The following NTNG2 variants were observed in gnomAD, a reference collection of about 807,000 sequenced individuals.
The protein encoded by NTNG2 is netrin-G2.
In NTNG2, 15 loss-of-function variants were observed where a neutral mutation model predicts 47.6. The ratio of observed to expected loss-of-function variants is 0.32; its 90% CI spans 0.21 to 0.49. NTNG2 has a LOEUF of 0.49. NTNG2 is among the 20% of genes least tolerant of loss of function. The pLI is 0.99. For synonymous variants in NTNG2, 307 were observed against 324.6 expected (o/e 0.95, Z 0.58); for missense variants, 578 against 764.6 (o/e 0.76, Z 2.88).
intron 3 of NTNG2, among the ~76,000 whole-genome samples, chr9:132,200,751 G>C (rs1314541431): frequency 6.6e-6 from 1 of 152,206 alleles, no homozygotes; most frequent in East Asian, 1.9e-4. Context: ...TGCAGACAGG[G>C]GCCCGTGGTT....
rs1232374979 is a variant in NTNG2, at chr9:132,163,409, C to CG, written c.-484+1176dup. On this transcript the variant is annotated intron_variant, in intron 1 of 7. Transcript: ENST00000393229. This position sits in a 1 kb window ranked among gnomAD's most constrained non-coding sequence, Gnocchi z 7.2. ...GCCGGATAAAGGGCCCGCTCCGGAG[C>CG]GGGGGGACACCCGGGCCGCCGGAAT... Among the ~76,000 whole-genome samples the CG allele has an allele frequency of 1.3e-5, 2 of 151,386 alleles. No homozygotes were observed. The highest frequency in any genetic ancestry group is 4.9e-5 in the African/African-American group (2 of 41,212).
rs931362086 is a variant in NTNG2, at chr9:132,208,933, G to A, written c.857+10324G>A. Among the ~76,000 whole-genome samples, 3 of 152,022 alleles carry A rather than the reference G, an allele frequency of 2.0e-5. No individual in the cohort carries two copies. Among genetic ancestry groups the A allele is most frequent in the Non-Finnish European group, 4.4e-5 (3 of 68,018 alleles). ...CTGAAAATCTGCTGTAAGTGGAGTC[G>A]TGCGGCAGGTGGCTTTTTCAAGGGG... On this transcript the variant is annotated intron_variant, in intron 3 of 7. Coordinates refer to ENST00000393229, the MANE Select transcript of NTNG2 (RefSeq NM_032536.4). The surrounding 1 kb of genome is among the most constrained non-coding windows in gnomAD (Gnocchi z 4.0).
chr9:132,212,233 T>A (rs1839641274), intron 3 of NTNG2, among the ~76,000 whole-genome samples: 1 of 152,184 alleles, frequency 6.6e-6, no homozygotes, highest in African/African-American at 2.4e-5. Context: ...GAAACCTTGC[T>A]GAAGTCAGCT....
At chr9:132,177,859 T>TG (rs1481025581) in intron 2 of NTNG2, among the ~76,000 whole-genome samples, 4 of 151,932 alleles carry the variant, frequency 2.6e-5, no homozygotes, top group Admixed American at 2.0e-4. Context: ...GGTTTCACTA[T>TG]TTGGCCAGGC....
chr9:132,238,278 C>A (rs1841764624), intron 5 of NTNG2, among the ~76,000 whole-genome samples: 1 of 152,166 alleles, frequency 6.6e-6, no homozygotes, highest in Non-Finnish European at 1.5e-5. Flanking sequence ...AGAGCCTTGC[C>A]CCAGGCAGTC....
Position 132,215,647 on chromosome 9 carries a change from G to A in NTNG2, c.858-11202G>A, listed in dbSNP as rs1447056319. The stretch of plus-strand genomic sequence containing the variant: ...TACTGAATCCTCCAAGAGGCCAGGG[G>A]GTGTGTCACCTCTTGGGGCGCCCCA... On this transcript the variant is annotated intron_variant, in intron 3 of 7. Coordinates refer to ENST00000393229, the MANE Select transcript of NTNG2 (RefSeq NM_032536.4). The surrounding 1 kb of genome is among the most constrained non-coding windows in gnomAD (Gnocchi z 4.2). 2.0e-5 allele frequency among the ~76,000 whole-genome samples: 3 copies of A among 152,208 alleles called. No individual in the cohort carries two copies. The highest frequency in any genetic ancestry group is 4.4e-5 in the Non-Finnish European group (3 of 68,036).
Position 132,180,282 on chromosome 9 carries a change from G to A in NTNG2, c.213+13238G>A, listed in dbSNP as rs1464896491. Among the ~76,000 whole-genome samples the A allele has an allele frequency of 2.0e-5, 3 of 152,236 alleles. No homozygotes were observed. Among genetic ancestry groups the A allele is most frequent in the African/African-American group, 7.2e-5 (3 of 41,462 alleles). ...TGAAGAAGAGACCAATGAGAGATGA[G>A]CCCACGGTGCTCCTGCCCTCCACCA... On this transcript the variant is annotated intron_variant, in intron 2 of 7. Coordinates refer to ENST00000393229, the MANE Select transcript of NTNG2 (RefSeq NM_032536.4). The surrounding 1 kb of genome is among the most constrained non-coding windows in gnomAD (Gnocchi z 4.2).
intron 3 of NTNG2, among the ~76,000 whole-genome samples, chr9:132,223,891 C>A (rs951819311): frequency 1.3e-5 from 2 of 151,964 alleles, no homozygotes; most frequent in Non-Finnish European, 2.9e-5. Flanking sequence ...ATCCCGCCTC[C>A]GTCTCCTGGT....
intron 5 of NTNG2, among the ~76,000 whole-genome samples, chr9:132,237,377 T>G (rs897796590): frequency 1.3e-5 from 2 of 152,202 alleles, no homozygotes; most frequent in African/African-American, 4.8e-5. Flanking sequence ...CCCTGGGCAG[T>G]GGGACCATGA....
rs984809367 is a variant in NTNG2, at chr9:132,182,338, C to A, written c.213+15294C>A. Among the ~76,000 whole-genome samples the A allele has an allele frequency of 3.3e-5, 5 of 152,098 alleles. No homozygotes were observed. Among genetic ancestry groups the A allele is most frequent in the African/African-American group, 1.2e-4 (5 of 41,412 alleles). On this transcript the variant is annotated intron_variant, in intron 2 of 7. Coordinates refer to ENST00000393229, the MANE Select transcript of NTNG2 (RefSeq NM_032536.4). This position sits in a 1 kb window ranked among gnomAD's most constrained non-coding sequence, Gnocchi z 4.2. ...AGGGGGTGGAGGAGTGTGCTGTCTG[C>A]CAAGGGAGGGCTCCAGGCCTGTCTG...
chr9:132,221,788 C>T lies in NTNG2; in HGVS notation c.858-5061C>T, dbSNP rs986418551. ...GGCGACTTCTCCCTACCAGCACCACCCAGCCTGTCCAGCTCTGACATCCAA... is the reference window on the plus strand; with the variant it reads ...GGCGACTTCTCCCTACCAGCACCACTCAGCCTGTCCAGCTCTGACATCCAA... On this transcript the variant is annotated intron_variant, in intron 3 of 7. Transcript: ENST00000393229. This position sits in a 1 kb window ranked among gnomAD's most constrained non-coding sequence, Gnocchi z 4.2. Among the ~76,000 whole-genome samples the T allele has an allele frequency of 1.3e-5, 2 of 152,188 alleles. No individual in the cohort carries two copies. Among genetic ancestry groups the T allele is most frequent in the South Asian group, 4.1e-4 (2 of 4,828 alleles).
intron 3 of NTNG2, among the ~76,000 whole-genome samples, chr9:132,224,473 G>A (rs979992373): frequency 8.6e-5 from 13 of 151,998 alleles, no homozygotes; most frequent in Non-Finnish European, 4.4e-5. Flanking sequence ...CTCCCTCCCT[G>A]TCCCCTCCAA....
At chr9:132,169,697 G>A (rs1835750877) in intron 2 of NTNG2, among the ~76,000 whole-genome samples, 1 of 152,236 alleles carries the variant, frequency 6.6e-6, no homozygotes, top group African/African-American at 2.4e-5. Context: ...CATAATGTAG[G>A]AGTGTCACGG....
At chr9:132,178,717 G>A (rs1836682553) in intron 2 of NTNG2, among the ~76,000 whole-genome samples, 2 of 150,618 alleles carry the variant, frequency 1.3e-5, no homozygotes, top group Non-Finnish European at 3.0e-5. Context: ...GAGGCGGGCG[G>A]ATTGTCTGAG....
chr9:132,223,063 G>A (rs1489678707), intron 3 of NTNG2, among the ~76,000 whole-genome samples: 5 of 152,212 alleles, frequency 3.3e-5, no homozygotes, highest in Middle Eastern at 3.4e-3. Context: ...GCAGTGAGCC[G>A]AGATTGTGCC....
chr9:132,229,288 G>A (rs1172638890), intron 4 of NTNG2, among the ~76,000 whole-genome samples: 3 of 152,042 alleles, frequency 2.0e-5, no homozygotes, highest in Admixed American at 6.6e-5. Flanking sequence ...TGCCCCTACC[G>A]TGACCCCTCC....
chr9:132,224,236 C>T (rs1014632795), intron 3 of NTNG2, among the ~76,000 whole-genome samples: 3 of 152,126 alleles, frequency 2.0e-5, no homozygotes, highest in South Asian at 4.1e-4. Context: ...GTTCCCATTT[C>T]CCCACCCCCC....
rs1835519052 is a variant in NTNG2 at position 132,166,687 on chromosome 9, G to A, written c.-145G>A. ...CAACAAGTTCCTCGCTGTTTGCAAA[G>A]CTTCAGTGCTCGGGTCCCTGGGACA... On this transcript the variant is annotated 5_prime_UTR_variant, in exon 2 of 8. Coordinates refer to ENST00000393229, the MANE Select transcript of NTNG2 (RefSeq NM_032536.4). The A allele has an allele frequency of 1.4e-6, 1 of 699,098 alleles. No individual in the cohort carries two copies. The highest frequency in any genetic ancestry group is 2.4e-5 in the Admixed American group (1 of 41,048). 43.3% of individuals were successfully genotyped at this position (699,098 alleles called of 1,614,324 possible).
chr9:132,219,634 C>T (rs1840225286), intron 3 of NTNG2, among the ~76,000 whole-genome samples: 1 of 151,746 alleles, frequency 6.6e-6, no homozygotes. Flanking sequence ...TCTTTCATCA[C>T]TGACCGCTTT....
Sources: gnomAD v4.1 joint callset for allele counts (sites outside exome capture counted in the v4.1 genomes callset) on GRCh38, gnomAD v4.1.1 for gene constraint, Gnocchi (gnomAD v3.1) non-coding constraint, MANE v1.5 for transcripts, NCBI Gene and HGNC (gene_info 2026-07-23, HGNC 2026-07-21) for gene names.